DMTF1: variants seen among roughly 807,000 people sequenced by gnomAD.
DMTF1 encodes cyclin-D-binding Myb-like transcription factor 1.
Under a neutral mutation model 91.1 loss-of-function variants are expected in DMTF1, and 39 were observed. The observed-to-expected ratio is 0.43, with a 90% CI of 0.33 to 0.56. The LOEUF (loss-of-function observed/expected upper bound fraction) is 0.56. Among genes scored for constraint, DMTF1 ranks in the 20% least tolerant of loss-of-function variants. The pLI, the probability that DMTF1 is intolerant of heterozygous loss-of-function variation, is 0.05. For synonymous variants in DMTF1, 338 were observed against 309.5 expected (o/e 1.09, Z -0.97); for missense variants, 750 against 914.5 (o/e 0.82, Z 2.32).
intron 13 of DMTF1, among the ~76,000 whole-genome samples, chr7:87,190,632 G>T (rs1799529606): frequency 6.6e-6 from 1 of 152,056 alleles, no homozygotes; most frequent in Non-Finnish European, 1.5e-5. Context: ...CAACTCTGTT[G>T]TAGTGCTAAA....
chr7:87,180,410 T>C (rs1166351792), intron 8 of DMTF1, among the ~76,000 whole-genome samples: 1 of 152,226 alleles, frequency 6.6e-6, no homozygotes. Flanking sequence ...TTGTTAGCAA[T>C]TCATAAACTT....
chr7:87,178,697 G>T (rs73206972), intron 7 of DMTF1, among the ~76,000 whole-genome samples: 5,603 of 151,740 alleles, frequency 0.037, 127 homozygotes, highest in East Asian at 0.065. Context: ...TGAAAATTCT[G>T]TTCTGAAACT....
In DMTF1 at chr7:87,196,042, A is replaced by G. The variant is rs1389772329; in HGVS notation, c.*902A>G. The G allele has an allele frequency of 1.3e-5, 2 of 152,466 alleles. No individual in the cohort carries two copies. Among genetic ancestry groups the G allele is most frequent in the African/African-American group, 4.8e-5 (2 of 41,434 alleles). The allele number at this position is 152,466 out of a possible 1,614,324, so 9.4% of individuals were successfully genotyped here. Reference sequence around the variant, plus strand: ...TTTTAAAAAAACAATATTTGCTTCTATAACAAAAGGAAACAAATCTAAGAA... The same window carrying G: ...TTTTAAAAAAACAATATTTGCTTCTGTAACAAAAGGAAACAAATCTAAGAA... On this transcript the variant is annotated 3_prime_UTR_variant, in exon 18 of 18. Coordinates refer to ENST00000331242, the MANE Select transcript of DMTF1 (RefSeq NM_001142327.2).
intron 11 of DMTF1, among the ~76,000 whole-genome samples, chr7:87,185,398 C>G (rs991300728): frequency 2.0e-5 from 3 of 151,690 alleles, no homozygotes; most frequent in Non-Finnish European, 4.4e-5. Context: ...TTTTTTTCAA[C>G]TAGTCATCTT....
chr7:87,193,718 T>C lies in DMTF1; in HGVS notation c.1651-7T>C, dbSNP rs370521483. 9 of 1,584,060 alleles carry C rather than the reference T, an allele frequency of 5.7e-6. No individual in the cohort carries two copies. The Admixed American group carries it at 1.2e-4, about 22-fold the overall frequency. On this transcript the variant is annotated splice_region_variant and splice_polypyrimidine_tract_variant and intron_variant, in intron 15 of 17. Coordinates refer to ENST00000331242, the MANE Select transcript of DMTF1 (RefSeq NM_001142327.2). Reference sequence around the variant, plus strand: ...ACAACTTTAACAGGTTCTTTAATGTTTTATAGCCAGAACATTTGTTGAACA... The same window carrying C: ...ACAACTTTAACAGGTTCTTTAATGTCTTATAGCCAGAACATTTGTTGAACA...
intron 4 of DMTF1, among the ~76,000 whole-genome samples, chr7:87,167,712 G>A (rs145415212): frequency 1.3e-5 from 2 of 152,242 alleles, no homozygotes; most frequent in East Asian, 3.9e-4. Context: ...TCCAGTTGTG[G>A]CATAGACAAG....
chr7:87,155,906 T>C (rs1201967695), intron 1 of DMTF1, among the ~76,000 whole-genome samples: 1 of 152,192 alleles, frequency 6.6e-6, no homozygotes, highest in African/African-American at 2.4e-5. Flanking sequence ...GTTAGGTCAT[T>C]CTTCCAAGCA....
At chr7:87,175,643 T>A (rs79257494) in intron 7 of DMTF1, among the ~76,000 whole-genome samples, 1 of 152,152 alleles carries the variant, frequency 6.6e-6, no homozygotes, top group African/African-American at 2.4e-5. Context: ...AGAGCAGTTA[T>A]GGAAAATTTT....
intron 6 of DMTF1, 87 bp downstream of exon 6, chr7:87,173,736 T>C: frequency 1.5e-6 from 1 of 676,444 alleles, no homozygotes; most frequent in Non-Finnish European, 2.3e-6. Context: ...GAGTTGGACC[T>C]TCATCACTGG....
rs796638228 is a variant in DMTF1, at chr7:87,188,728, G to A, written c.1411+427G>A. On this transcript the variant is annotated intron_variant, in intron 13 of 17. Coordinates refer to ENST00000331242, the MANE Select transcript of DMTF1 (RefSeq NM_001142327.2). ...TTGAGGTCGTTTGGTAAAGAAATGA[G>A]TTTTGGCAAGGTTAAGAATGATTTT... 2.0e-5 allele frequency among the ~76,000 whole-genome samples: 3 copies of A among 152,198 alleles called. No homozygotes were observed. In the South Asian group the frequency reaches 6.2e-4, roughly 32 times the overall value.
intron 11 of DMTF1, 53 bp downstream of exon 11, chr7:87,184,678 C>A: frequency 6.8e-7 from 1 of 1,480,944 alleles, no homozygotes; most frequent in Non-Finnish European, 9.4e-7. Flanking sequence ...CTGTGGATGT[C>A]TTGATAGACT....
At chr7:87,172,743 C>T (rs1304667642) in intron 5 of DMTF1, among the ~76,000 whole-genome samples, 1 of 152,226 alleles carries the variant, frequency 6.6e-6, no homozygotes, top group Non-Finnish European at 1.5e-5. Context: ...AGCACTGTTG[C>T]CAGGTCTTCC....
chr7:87,181,199 T>C, intron 8 of DMTF1, 110 bp from the exon 9 acceptor site: 1 of 588,058 alleles, frequency 1.7e-6, no homozygotes, highest in East Asian at 3.1e-5. Context: ...AAAAGTATTA[T>C]ATGCTAAGTG....
At chr7:87,179,236 G>A (rs1167587227) in intron 7 of DMTF1, among the ~76,000 whole-genome samples, 1 of 151,806 alleles carries the variant, frequency 6.6e-6, no homozygotes, top group Non-Finnish European at 1.5e-5. Context: ...GGATTCCATT[G>A]ATTTTGCTCT....
At chr7:87,184,745 C>T in intron 11 of DMTF1, 120 bp downstream of exon 11, 8 of 832,268 alleles carry the variant, frequency 9.6e-6, no homozygotes, top group Non-Finnish European at 1.6e-5. Flanking sequence ...TTCCATAGAG[C>T]ACTACTGTTT....
At chr7:87,182,454 CTT>C (rs923009983) in intron 10 of DMTF1, 117 bp downstream of exon 10, 19 of 872,290 alleles carry the variant, frequency 2.2e-5, no homozygotes, top group Non-Finnish European at 3.4e-5. Context: ...TTAGTTCAGA[CTT>C]TATTTTCTAG....
intron 5 of DMTF1, among the ~76,000 whole-genome samples, chr7:87,171,435 G>A (rs1362774388): frequency 6.6e-6 from 1 of 152,140 alleles, no homozygotes; most frequent in African/African-American, 2.4e-5. Context: ...AACCCCCTCA[G>A]AAATAGTCTG....
intron 1 of DMTF1, among the ~76,000 whole-genome samples, chr7:87,159,260 T>A (rs1196028845): frequency 6.6e-6 from 1 of 152,062 alleles, no homozygotes; most frequent in Non-Finnish European, 1.5e-5. Flanking sequence ...GCCAAAACAT[T>A]AGGGCTGTTA....
chr7:87,164,245 C>G (rs543434644), intron 2 of DMTF1: 18 of 152,174 alleles, frequency 1.2e-4, no homozygotes, highest in Non-Finnish European at 1.6e-4. Flanking sequence ...ATACCTTTCC[C>G]CCCACTAGCC....
Sources: allele counts gnomAD v4.1 joint callset (sites outside exome capture counted in the v4.1 genomes callset), GRCh38; gene constraint gnomAD v4.1.1; transcripts MANE v1.5; gene names NCBI Gene and HGNC (gene_info 2026-07-23, HGNC 2026-07-21).